The following PPP1R16B variants were observed in gnomAD, a reference collection of about 807,000 sequenced individuals.
PPP1R16B encodes protein phosphatase 1 regulatory subunit 16B.
A neutral mutation model predicts 61.7 loss-of-function variants in PPP1R16B; 14 were observed. The observed-to-expected ratio is 0.23, with a 90% CI of 0.15 to 0.35. The LOEUF is 0.35. Among genes scored for constraint, PPP1R16B ranks in the 10% least tolerant of loss-of-function variants. The probability of loss-of-function intolerance (pLI) is 1.00; values close to 1 mark genes in which losing one functional copy is unlikely to be tolerated. For synonymous variants in PPP1R16B, 266 were observed against 305.3 expected (o/e 0.87, Z 1.34); for missense variants, 547 against 752.5 (o/e 0.73, Z 3.19).
At chr20:38,881,527 C>T (rs927594437) in intron 2 of PPP1R16B, among the ~76,000 whole-genome samples, 7 of 152,146 alleles carry the variant, frequency 4.6e-5, no homozygotes, top group Non-Finnish European at 1.0e-4. Context: ...CGGGATGTGG[C>T]GACATCAGGC....
Position 38,900,591 on chromosome 20 carries a change from T to C in PPP1R16B, c.478T>C (p.Leu160=), listed in dbSNP as rs749306770. 11 of 1,602,232 alleles carry C rather than the reference T, an allele frequency of 6.9e-6. No homozygotes were observed. In the South Asian group the frequency reaches 1.0e-4, roughly 15 times the overall value. Residue 160 remains leucine (L), a synonymous_variant, in exon 5 of 11, where the codon TTG becomes CTG. Transcript: ENST00000299824. ...VKILVQYGAD[L]LAVNSDGNMP... The stretch of plus-strand genomic sequence containing the variant: ...CCTCTTTCTCTGCAGTGGGGCCGAC[T>C]TGCTTGCTGTCAACTCGGATGGGAA...
intron 2 of PPP1R16B, among the ~76,000 whole-genome samples, chr20:38,842,776 C>G (rs2084916001): frequency 6.6e-6 from 1 of 151,476 alleles, no homozygotes; most frequent in African/African-American, 2.4e-5. Flanking sequence ...GGAACTAGCT[C>G]AGACTTTCAC....
At chr20:38,821,285 T>C (rs2084772109) in intron 1 of PPP1R16B, among the ~76,000 whole-genome samples, 1 of 152,152 alleles carries the variant, frequency 6.6e-6, no homozygotes, top group Non-Finnish European at 1.5e-5. Context: ...TATCAGCCAG[T>C]GGAGGGAGAA....
chr20:38,817,087 G>C (rs1044991344), intron 1 of PPP1R16B, among the ~76,000 whole-genome samples: 1 of 152,312 alleles, frequency 6.6e-6, no homozygotes, highest in Non-Finnish European at 1.5e-5. Context: ...GGATGTAAAG[G>C]TGAACAATAC....
chr20:38,834,279 G>A (rs1436240161), intron 1 of PPP1R16B, among the ~76,000 whole-genome samples: 3 of 152,190 alleles, frequency 2.0e-5, no homozygotes. Context: ...CCAAAATGTT[G>A]AGATTGCAGG....
In PPP1R16B at chr20:38,907,763, G is replaced by A; in HGVS notation, c.899-43G>A. 6.2e-7 allele frequency: 1 copy of A among 1,610,296 alleles called. No homozygotes were observed. Among genetic ancestry groups the A allele is most frequent in the Non-Finnish European group, 8.5e-7 (1 of 1,177,770 alleles). ...TCTGGAGCACCCTCTTGCGCCACAG[G>A]TCCTGGCCCCGTCCCCCACAACAGA... is the stretch of plus-strand genomic sequence containing the variant. On this transcript the variant is annotated intron_variant, in intron 8 of 10. Transcript: ENST00000299824. This position sits in a 1 kb window ranked among gnomAD's most constrained non-coding sequence, Gnocchi z 4.5.
intron 1 of PPP1R16B, among the ~76,000 whole-genome samples, chr20:38,824,255 A>AATTGGGG (rs2084790383): frequency 6.6e-6 from 1 of 152,190 alleles, no homozygotes; most frequent in Non-Finnish European, 1.5e-5. Flanking sequence ...TCTAGTTTAT[A>AATTGGGG]GGTTCTGCAA....
rs528913225 is a variant in PPP1R16B, at chr20:38,819,374, A to G, written c.-102+13582A>G. 2.6e-5 allele frequency among the ~76,000 whole-genome samples: 4 copies of G among 152,284 alleles called. No homozygotes were observed. The East Asian group carries it at 7.7e-4, about 29-fold the overall frequency. On this transcript the variant is annotated intron_variant, in intron 1 of 10. Coordinates refer to ENST00000299824, the MANE Select transcript of PPP1R16B (RefSeq NM_015568.4). ...TGATAAAATATATTACTAGCTGGGC[A>G]TGGTGGTAGCTATAATCCTGGCTGC...
chr20:38,829,021 T>G (rs1160561410), intron 1 of PPP1R16B, among the ~76,000 whole-genome samples: 3 of 152,194 alleles, frequency 2.0e-5, no homozygotes, highest in African/African-American at 7.2e-5. Flanking sequence ...CCATACTTTC[T>G]TGCCTTTCCC....
rs1466021966 is a variant in PPP1R16B, at chr20:38,835,962, C to G, written c.37C>G (p.Leu13Val). The G allele has an allele frequency of 2.6e-6, 4 of 1,547,132 alleles. No homozygotes were observed. The highest frequency in any genetic ancestry group is 3.5e-6 in the Non-Finnish European group (4 of 1,147,286). The change falls in exon 2 of 11, where the codon CTG becomes GTG. Residue 13 changes from leucine to valine, a missense_variant. Leu to Val is a conservative substitution (Grantham distance 32). Transcript: ENST00000299824. ...CGTGGACCTGCTGACGGAGCTGCAG[C>G]TGCTGGAGAAGGTGCCCACGCTGGA... ...SHVDLLTELQ[L>V]LEKVPTLERL...
intron 1 of PPP1R16B, among the ~76,000 whole-genome samples, chr20:38,821,839 G>A (rs989809373): frequency 2.0e-5 from 3 of 151,880 alleles, no homozygotes; most frequent in African/African-American, 4.8e-5. Context: ...GTCACCTTGA[G>A]ATTGGTCTCC....
intron 2 of PPP1R16B, among the ~76,000 whole-genome samples, chr20:38,882,561 C>T (rs2085210605): frequency 6.6e-6 from 1 of 152,138 alleles, no homozygotes; most frequent in Non-Finnish European, 1.5e-5. Context: ...CGATTTTGTA[C>T]AAAAGTCACA....
rs1401188550 is a variant in PPP1R16B, at chr20:38,921,837, A to G, written c.*3171A>G. The G allele has an allele frequency of 6.6e-6, 1 of 152,282 alleles. No individual in the cohort carries two copies. Among genetic ancestry groups the G allele is most frequent in the Middle Eastern group, 3.4e-3 (1 of 294 alleles). The allele number at this position is 152,282 out of a possible 1,614,324, so 9.4% of individuals were successfully genotyped here. A position where few individuals can be genotyped will look rare whatever the true frequency, so the allele number is the denominator to read the frequency against. On this transcript the variant is annotated 3_prime_UTR_variant, in exon 11 of 11. Transcript: ENST00000299824. ...CCCACTAATGGATAATGGGAGGAAA[A>G]GTTGCTGCTTCCTTCAGCATCAAAG...
rs547715853 is a variant in PPP1R16B, at chr20:38,823,920, AT to A, written c.-101-11894del. 3.2e-3 allele frequency among the ~76,000 whole-genome samples: 479 copies of A among 147,738 alleles called. 3 individuals are homozygous for A. Among genetic ancestry groups the A allele is most frequent in the South Asian group, 0.013 (60 of 4,680 alleles). On this transcript the variant is annotated intron_variant, in intron 1 of 10. Transcript: ENST00000299824. ...CCGTGGCTCATCTTTCCTGTCTGAC[AT>A]TTTTTTTTTTATTTTTAAGGAGAGG... is the stretch of plus-strand genomic sequence containing the variant.
At position 38,806,147 on chromosome 20, in the gene PPP1R16B, G is replaced by C. The variant is rs2084658889; in HGVS notation, c.-102+355G>C. Among the ~76,000 whole-genome samples, 1 of 152,104 alleles carries C rather than the reference G, an allele frequency of 6.6e-6. No homozygotes were observed. The highest frequency in any genetic ancestry group is 6.5e-5 in the Admixed American group (1 of 15,276). On this transcript the variant is annotated intron_variant, in intron 1 of 10. Transcript: ENST00000299824. This position sits in a 1 kb window ranked among gnomAD's most constrained non-coding sequence, Gnocchi z 4.5. ...CGGTCTGTTCTGGACTCATGGGGCC[G>C]CCGTCTGCCGGGGGTGCAATGCCGG...
At chr20:38,896,155 C>CTCCCTCCCTTCCTTCCTTCTGTCT (rs2085345831) in intron 4 of PPP1R16B, among the ~76,000 whole-genome samples, 1 of 89,660 alleles carries the variant, frequency 1.1e-5, no homozygotes, top group Non-Finnish European at 2.2e-5. Flanking sequence ...TTCTTTCTTC[C>CTCCCTCCCTTCCTTCCTTCTGTCT]TCCCTCCCTT....
At chr20:38,867,555 A>G (rs1191372693) in intron 2 of PPP1R16B, among the ~76,000 whole-genome samples, 1 of 152,228 alleles carries the variant, frequency 6.6e-6, no homozygotes, top group Non-Finnish European at 1.5e-5. Flanking sequence ...CCAGAGCTAA[A>G]TGAAGCCTTG....
At position 38,918,400 on chromosome 20, in the gene PPP1R16B, C is replaced by T. The variant is rs202247103; in HGVS notation, c.1438C>T (p.Leu480Phe). ...CTACAAGGAACAGAGCCCTCAGACG[C>T]TTCTGGAGCTGAAGCGGCAGCGGGC... ...SSYKEQSPQT[L>F]LELKRQRAAA... Residue 480 changes from leucine to phenylalanine, a missense_variant, in exon 11 of 11, where the codon CTT becomes TTT. Physicochemically the swap from Leu to Phe is conservative, Grantham distance 22. Transcript: ENST00000299824. This position sits in a 1 kb window ranked among gnomAD's most constrained non-coding sequence, Gnocchi z 5.3. 1 of 1,614,144 alleles carries T rather than the reference C, an allele frequency of 6.2e-7. No individual in the cohort carries two copies. Among genetic ancestry groups the T allele is most frequent in the East Asian group, 2.2e-5 (1 of 44,878 alleles).
Position 38,832,419 on chromosome 20 carries a change from A to G in PPP1R16B, c.-101-3406A>G, listed in dbSNP as rs539712354. On this transcript the variant is annotated intron_variant, in intron 1 of 10. Coordinates refer to ENST00000299824, the MANE Select transcript of PPP1R16B (RefSeq NM_015568.4). ...TGCTAGCTCCCAGAGAGGTCTGACT[A>G]TAATAATGATATTGTGTGGTTGTGA... 5.9e-5 allele frequency among the ~76,000 whole-genome samples: 9 copies of G among 152,338 alleles called. No homozygotes were observed. In the East Asian group the frequency reaches 1.7e-3, roughly 29 times the overall value.
Sources: gnomAD v4.1 joint callset for allele counts (sites outside exome capture counted in the v4.1 genomes callset) on GRCh38, gnomAD v4.1.1 for gene constraint, Gnocchi (gnomAD v3.1) non-coding constraint, MANE v1.5 for transcripts, NCBI Gene and HGNC (gene_info 2026-07-23, HGNC 2026-07-21) for gene names.